The following NBAS variants were observed in gnomAD, a reference collection of about 807,000 sequenced individuals.
The protein encoded by NBAS is NBAS subunit of NRZ tethering complex, also known as NAG/BC035112 fusion.
Under a neutral mutation model 302.5 loss-of-function variants are expected in NBAS, and 219 were observed. That is an observed-to-expected ratio of 0.72 (90% CI 0.65 to 0.81). The LOEUF is 0.81. Ranked by LOEUF, NBAS falls within the 30% of genes least tolerant of loss-of-function variation. The probability of loss-of-function intolerance (pLI) is 0.00; values close to 1 mark genes in which losing one functional copy is unlikely to be tolerated. For synonymous variants in NBAS, 1,118 were observed against 1,021.6 expected (o/e 1.09, Z -1.80); for missense variants, 2,932 against 2,841.6 (o/e 1.03, Z -0.72).
chr2:14,909,366 T>TAAAAAAAAAAAAAAAAAA, the NBAS span, among the ~76,000 whole-genome samples: 403 of 78,496 alleles, frequency 5.1e-3, 24 homozygotes, highest in Non-Finnish European at 6.3e-3. Context: ...GGAGAGTTTC[T>TAAAAAAAAAAAAAAAAAA]AAAAAAAAAA....
chr2:15,295,527 A>G (rs901609180), intron 40 of NBAS, among the ~76,000 whole-genome samples: 2 of 152,210 alleles, frequency 1.3e-5, no homozygotes, highest in Non-Finnish European at 2.9e-5. Context: ...GAAGCCTAAG[A>G]GACAATATAT....
chr2:15,408,110 C>T (rs2148443851), intron 25 of NBAS, among the ~76,000 whole-genome samples: 1 of 152,314 alleles, frequency 6.6e-6, no homozygotes, highest in South Asian at 2.1e-4. Flanking sequence ...TTTAATCAAA[C>T]CTGCAAAGCC....
the NBAS span, among the ~76,000 whole-genome samples, chr2:14,780,867 T>G: frequency 6.6e-6 from 1 of 152,226 alleles, no homozygotes; most frequent in Non-Finnish European, 1.5e-5. Flanking sequence ...TTTTCTTTCT[T>G]TGTAAATTTG....
the NBAS span, among the ~76,000 whole-genome samples, chr2:14,867,398 G>GCAATTGGCCTA: frequency 6.6e-6 from 1 of 152,004 alleles, no homozygotes; most frequent in Non-Finnish European, 1.5e-5. Flanking sequence ...CTTCTCTTGG[G>GCAATTGGCCTA]GTAAGACCTG....
chr2:14,923,845 A>G, the NBAS span, among the ~76,000 whole-genome samples: 1 of 152,168 alleles, frequency 6.6e-6, no homozygotes, highest in Non-Finnish European at 1.5e-5. Context: ...TGTCCTAATC[A>G]GATGGGCATT....
At chr2:14,791,119 T>C in the NBAS span, among the ~76,000 whole-genome samples, 1 of 152,202 alleles carries the variant, frequency 6.6e-6, no homozygotes, top group South Asian at 2.1e-4. Context: ...CCTCCCAAAG[T>C]GCTGGGATTA....
chr2:14,792,218 A>T, the NBAS span, among the ~76,000 whole-genome samples: 7 of 152,138 alleles, frequency 4.6e-5, no homozygotes, highest in African/African-American at 1.7e-4. Context: ...ACGTACAGAC[A>T]CTCCTCGACT....
intron 3 of NBAS, 48 bp downstream of exon 3, chr2:15,556,735 G>A: frequency 1.4e-6 from 2 of 1,478,572 alleles, no homozygotes; most frequent in South Asian, 2.3e-5. Context: ...GAACAATATT[G>A]TTTATATTTG....
At chr2:15,358,826 A>G (rs1673754508) in intron 32 of NBAS, among the ~76,000 whole-genome samples, 1 of 152,144 alleles carries the variant, frequency 6.6e-6, no homozygotes, top group Non-Finnish European at 1.5e-5. Context: ...CCAACACACT[A>G]TCTACATTAA....
chr2:15,407,619 T>C (rs568579170), intron 25 of NBAS, among the ~76,000 whole-genome samples: 2 of 152,330 alleles, frequency 1.3e-5, no homozygotes, highest in East Asian at 3.9e-4. Flanking sequence ...CAAGGAGATG[T>C]TGCTACGTAC....
chr2:15,381,023 G>T (rs1675010669), intron 29 of NBAS, among the ~76,000 whole-genome samples: 1 of 152,100 alleles, frequency 6.6e-6, no homozygotes, highest in South Asian at 2.1e-4. Flanking sequence ...CTATTAAAGA[G>T]CAACCCTAAT....
chr2:15,086,548 G>T, the NBAS span, among the ~76,000 whole-genome samples: 5 of 152,318 alleles, frequency 3.3e-5, no homozygotes, highest in African/African-American at 1.2e-4. Context: ...CCCTTGGGGA[G>T]CCCAGACCTG....
the NBAS span, among the ~76,000 whole-genome samples, chr2:15,056,789 G>A: frequency 3.8e-4 from 58 of 151,948 alleles, no homozygotes; most frequent in Non-Finnish European, 6.6e-4. Flanking sequence ...ATTCAGAGGC[G>A]GGGACCAAAG....
At chr2:14,840,149 T>C in the NBAS span, among the ~76,000 whole-genome samples, 16 of 151,566 alleles carry the variant, frequency 1.1e-4, no homozygotes, top group African/African-American at 3.6e-4. Flanking sequence ...AATTGAAAAA[T>C]TAATTAGAGG....
At chr2:15,431,799 A>C (rs1208119593) in intron 21 of NBAS, among the ~76,000 whole-genome samples, 1 of 152,156 alleles carries the variant, frequency 6.6e-6, no homozygotes, top group African/African-American at 2.4e-5. Context: ...AATGGTATAC[A>C]TCTACTAACT....
intron 29 of NBAS, 98 bp downstream of exon 29, chr2:15,383,117 C>T: frequency 3.0e-6 from 3 of 995,866 alleles, no homozygotes; most frequent in Non-Finnish European, 3.1e-6. Context: ...AATAATATTA[C>T]TTCCAGGGTA....
At position 15,378,827 on chromosome 2, in the gene NBAS, A is replaced by G. The variant is rs573299566; in HGVS notation, c.3590+775T>C. On this transcript the variant is annotated intron_variant, in intron 30 of 51. Transcript: ENST00000281513. ...GTCTTAAGTTGGGGACTGTCTGTAA[A>G]CCACTTTTCTGAAATGTTGAACAAG... 6.5e-4 allele frequency among the ~76,000 whole-genome samples: 99 copies of G among 152,174 alleles called. 1 individual carries two copies. The highest frequency in any genetic ancestry group is 1.2e-3 in the Non-Finnish European group (82 of 68,032).
intron 35 of NBAS, among the ~76,000 whole-genome samples, chr2:15,334,849 G>A (rs757849223): frequency 2.6e-5 from 4 of 152,116 alleles, no homozygotes; most frequent in Non-Finnish European, 5.9e-5. Context: ...AAGCCCTTAG[G>A]CAAAGAAACA....
In NBAS at chr2:15,326,755, A is replaced by G. The variant is rs79539216; in HGVS notation, c.4582+995T>C. 1.4e-4 allele frequency among the ~76,000 whole-genome samples: 22 copies of G among 152,292 alleles called. No homozygotes were observed. The East Asian group carries it at 4.0e-3, about 28-fold the overall frequency. ...CCCTGATTAGAGAAGGATAGGTAGA[A>G]AAACATGCATCTCAGAATTGAAGAA... On this transcript the variant is annotated intron_variant, in intron 38 of 51. Coordinates refer to ENST00000281513, the MANE Select transcript of NBAS (RefSeq NM_015909.4).
Sources: gnomAD v4.1 joint callset for allele counts (sites outside exome capture counted in the v4.1 genomes callset) on GRCh38, gnomAD v4.1.1 for gene constraint, MANE v1.5 for transcripts, NCBI Gene and HGNC (gene_info 2026-07-23, HGNC 2026-07-21) for gene names.